Variants in MCM8 observed in about 807,000 individuals in gnomAD.
MCM8 encodes the protein minichromosome maintenance 8 homologous recombination repair factor, also known as DNA helicase MCM8.
A neutral mutation model predicts 98.9 loss-of-function variants in MCM8; 85 were observed. That is an observed-to-expected ratio of 0.86 (90% CI 0.72 to 1.03). The LOEUF is 1.03. Among genes scored for constraint, MCM8 ranks in the 50% least tolerant of loss-of-function variants. The probability of loss-of-function intolerance (pLI) is 0.00; values close to 1 mark genes in which losing one functional copy is unlikely to be tolerated. For synonymous variants in MCM8, 352 were observed against 338.6 expected, an observed-to-expected ratio of 1.04 and a Z score of -0.44; for missense variants, 951 against 997.8, an observed-to-expected ratio of 0.95 and a Z score of 0.63.
chr20:5,979,554 T>G (rs1045412469), intron 13 of MCM8, among the ~76,000 whole-genome samples: 1 of 152,160 alleles, frequency 6.6e-6, no homozygotes, highest in African/African-American at 2.4e-5. Flanking sequence ...AAATGACAAC[T>G]CTCATTATAA....
chr20:5,954,801 C>T, intron 4 of MCM8, 111 bp downstream of exon 4: 1 of 664,772 alleles, frequency 1.5e-6, no homozygotes, highest in South Asian at 1.9e-5. Flanking sequence ...TGGTTCAGAC[C>T]TCAGTTCTGC....
At chr20:5,952,552 A>G in intron 3 of MCM8, 24 bp downstream of exon 3, 1 of 1,577,948 alleles carries the variant, frequency 6.3e-7, no homozygotes. Flanking sequence ...AGTACAAAAA[A>G]GCACCATAAA....
chr20:5,964,380 A>C (rs2089228648), intron 8 of MCM8, among the ~76,000 whole-genome samples: 2 of 152,164 alleles, frequency 1.3e-5, no homozygotes, highest in African/African-American at 4.8e-5. Flanking sequence ...CAACATATAT[A>C]ATAATTAATT....
At chr20:5,986,976 C>T (rs1463930491) in intron 16 of MCM8, among the ~76,000 whole-genome samples, 1 of 152,130 alleles carries the variant, frequency 6.6e-6, no homozygotes, top group Non-Finnish European at 1.5e-5. Flanking sequence ...CAGGCATACA[C>T]CACCGCACCC....
intron 8 of MCM8, among the ~76,000 whole-genome samples, chr20:5,965,892 C>T (rs948431340): frequency 3.3e-5 from 5 of 152,004 alleles, no homozygotes; most frequent in African/African-American, 1.2e-4. Context: ...ACACACCTTC[C>T]TTCTGCTTGA....
Position 5,952,008 on chromosome 20 carries a change from T to C in MCM8, c.-5-3T>C, listed in dbSNP as rs1275184213. ...GAAGACCTTTTTAATATCTATCTTT[T>C]AGGAGAGATGAATGGAGAGTATAGA... On this transcript the variant is annotated splice_polypyrimidine_tract_variant and splice_region_variant and intron_variant, in intron 1 of 18. Coordinates refer to ENST00000610722, the MANE Select transcript of MCM8 (RefSeq NM_032485.6). The C allele has an allele frequency of 6.2e-7, 1 of 1,608,598 alleles. No homozygotes were observed. The highest frequency in any genetic ancestry group is 2.2e-5 in the East Asian group (1 of 44,820).
intron 12 of MCM8, among the ~76,000 whole-genome samples, chr20:5,977,385 T>C (rs1250084054): frequency 6.6e-6 from 1 of 152,248 alleles, no homozygotes; most frequent in Non-Finnish European, 1.5e-5. Flanking sequence ...AACAGGTCTG[T>C]CTGACTCCAG....
Position 5,957,184 on chromosome 20 carries a change from CTAA to C in MCM8, c.547_549del (p.Asn183del), listed in dbSNP as rs760183819. On this transcript the variant is annotated inframe_deletion, in exon 6 of 19. Coordinates refer to ENST00000610722, the MANE Select transcript of MCM8 (RefSeq NM_032485.6). ...GAGTTACAAGCCCAGGAAGGATTGTCTAATGATGGAGAAACAATGGTAAATGTG... is the reference window on the plus strand; with the variant it reads ...GAGTTACAAGCCCAGGAAGGATTGTCTGATGGAGAAACAATGGTAAATGTG... The C allele has an allele frequency of 6.2e-7, 1 of 1,613,618 alleles. No homozygotes were observed. The highest frequency in any genetic ancestry group is 8.5e-7 in the Non-Finnish European group (1 of 1,179,762).
In MCM8 at chr20:5,955,165, G is replaced by T; in HGVS notation, c.400G>T (p.Val134Leu). 1 of 1,613,408 alleles carries T rather than the reference G, an allele frequency of 6.2e-7. No homozygotes were observed. Among genetic ancestry groups the T allele is most frequent in the Non-Finnish European group, 8.5e-7 (1 of 1,179,400 alleles). Residue 134 changes from valine (V) to leucine (L), a missense_variant, in exon 5 of 19, where the codon GTA (valine) becomes TTA (leucine). Physicochemically the swap from Val to Leu is conservative, Grantham distance 32. Transcript: ENST00000610722. Reference sequence around the variant, plus strand: ...TAAAGAACTGACAGAAGGTGGTGAAGTAACTAACTTGATACCAGATATAGC... The same window carrying T: ...TAAAGAACTGACAGAAGGTGGTGAATTAACTAACTTGATACCAGATATAGC... ...DFKELTEGGE[V>L]TNLIPDIATE...
intron 6 of MCM8, among the ~76,000 whole-genome samples, chr20:5,957,986 C>T (rs2089031267): frequency 6.6e-6 from 1 of 151,446 alleles, no homozygotes; most frequent in Non-Finnish European, 1.5e-5. Flanking sequence ...TTCCTTTTGG[C>T]ATTATTTTTT....
chr20:5,987,230 A>T, intron 16 of MCM8, 52 bp from the exon 17 acceptor site: 1 of 1,529,864 alleles, frequency 6.5e-7, no homozygotes, highest in Admixed American at 1.8e-5. Flanking sequence ...TAGACATACT[A>T]TGGTAAATAT....
At chr20:5,960,810 C>G (rs1476197895) in intron 7 of MCM8, among the ~76,000 whole-genome samples, 2 of 152,148 alleles carry the variant, frequency 1.3e-5, no homozygotes, top group Non-Finnish European at 2.9e-5. Context: ...TGGCACATGC[C>G]TGTAATCCAA....
In MCM8 at chr20:5,954,575, T is replaced by C. The variant is rs561848316; in HGVS notation, c.254-33T>C. On this transcript the variant is annotated intron_variant, in intron 3 of 18. Coordinates refer to ENST00000610722, the MANE Select transcript of MCM8 (RefSeq NM_032485.6). ...GAAAAATGTGCATGTACCTGTGTGATTATTTGTGCTAATGCCATATTTGTT... is the reference window on the plus strand; with the variant it reads ...GAAAAATGTGCATGTACCTGTGTGACTATTTGTGCTAATGCCATATTTGTT... 11 of 1,253,322 alleles carry C rather than the reference T, an allele frequency of 8.8e-6. No individual in the cohort carries two copies. The South Asian group carries it at 1.3e-4, about 15-fold the overall frequency. The allele number at this position is 1,253,322 out of a possible 1,614,324, so 77.6% of individuals were successfully genotyped here.
intron 7 of MCM8, 58 bp from the exon 8 acceptor site, chr20:5,963,216 C>T: frequency 8.5e-6 from 11 of 1,295,054 alleles, no homozygotes; most frequent in South Asian, 1.2e-5. Context: ...CTGAATTTTC[C>T]TGAGGTGTGA....
chr20:5,984,724 T>G, intron 14 of MCM8, 57 bp from the exon 15 acceptor site: 5 of 1,411,412 alleles, frequency 3.5e-6, no homozygotes, highest in Non-Finnish European at 4.9e-6. Context: ...GTAGACAGTT[T>G]TCTAGTTTTT....
rs2089930355 is a variant in MCM8 at position 5,994,773 on chromosome 20, G to A, written c.*382G>A. On this transcript the variant is annotated 3_prime_UTR_variant, in exon 19 of 19. Coordinates refer to ENST00000610722, the MANE Select transcript of MCM8 (RefSeq NM_032485.6). Reference sequence around the variant, plus strand: ...AAAAATTTAAACTTAGCTGGGTATGGTGGCACATGCCTATAGTCTCAGCTA... The same window carrying A: ...AAAAATTTAAACTTAGCTGGGTATGATGGCACATGCCTATAGTCTCAGCTA... 2.2e-6 allele frequency: 1 copy of A among 449,320 alleles called. No individual in the cohort carries two copies. The highest frequency in any genetic ancestry group is 4.4e-6 in the Non-Finnish European group (1 of 225,112). The allele number at this position is 449,320 out of a possible 1,614,324, so 27.8% of individuals were successfully genotyped here. A position where few individuals can be genotyped will look rare whatever the true frequency, so the allele number is the denominator to read the frequency against.
In MCM8 at chr20:5,966,369, T is replaced by C. The variant is rs1272122610; in HGVS notation, c.876-1067T>C. ...AGTTTTTCCTCATTCTTTCATTTTC[T>C]TTGTTCTGTTTTCTAGATTTCTTTG... On this transcript the variant is annotated intron_variant, in intron 8 of 18. Transcript: ENST00000610722. 2.6e-5 allele frequency among the ~76,000 whole-genome samples: 4 copies of C among 152,172 alleles called. No individual in the cohort carries two copies. In the East Asian group the frequency reaches 7.7e-4, roughly 29 times the overall value.
intron 11 of MCM8, chr20:5,972,727 G>A (rs559388658): frequency 9.2e-6 from 12 of 1,306,290 alleles, no homozygotes; most frequent in Middle Eastern, 2.1e-4. Flanking sequence ...GCTACTTTTG[G>A]TAAGAAATGG....
At chr20:5,988,721 T>A (rs2089783203) in intron 17 of MCM8, among the ~76,000 whole-genome samples, 1 of 152,226 alleles carries the variant, frequency 6.6e-6, no homozygotes, top group Non-Finnish European at 1.5e-5. Flanking sequence ...GAGTCTACTT[T>A]TCCAAGACCA....
Sources: gnomAD v4.1 joint callset for allele counts (sites outside exome capture counted in the v4.1 genomes callset) on GRCh38, gnomAD v4.1.1 for gene constraint, MANE v1.5 for transcripts, NCBI Gene and HGNC (gene_info 2026-07-23, HGNC 2026-07-21) for gene names.